The following ZDHHC21 variants were observed in gnomAD, a reference collection of about 807,000 sequenced individuals.
ZDHHC21 encodes the protein palmitoyltransferase ZDHHC21.
In ZDHHC21, 15 loss-of-function variants were observed where a neutral mutation model predicts 34.6. The observed-to-expected ratio is 0.43, with a 90% CI of 0.29 to 0.67. ZDHHC21 has a LOEUF of 0.67. Ranked by LOEUF, ZDHHC21 falls within the 30% of genes least tolerant of loss-of-function variation. The pLI is 0.14. For synonymous variants in ZDHHC21, 142 were observed against 101.8 expected (o/e 1.40, Z -2.38); for missense variants, 344 against 327.7 (o/e 1.05, Z -0.38).
At chr9:14,673,588 T>TG (rs750225631) in intron 4 of ZDHHC21, among the ~76,000 whole-genome samples, 10 of 151,116 alleles carry the variant, frequency 6.6e-5, no homozygotes, top group Non-Finnish European at 1.0e-4. Flanking sequence ...AATCCAGGAC[T>TG]GACTGCATAG....
the ZDHHC21 span, chr9:14,588,950 A>C: frequency 6.6e-6 from 1 of 152,158 alleles, no homozygotes; most frequent in Non-Finnish European, 1.5e-5. Context: ...GACCCATGAG[A>C]AATTGCTCTA....
chr9:14,608,589 T>C (rs796591561), downstream of ZDHHC21, among the ~76,000 whole-genome samples: 10 of 152,284 alleles, frequency 6.6e-5, no homozygotes, highest in African/African-American at 2.4e-4. Flanking sequence ...TTGAAAATAC[T>C]AGTCATCCAG....
chr9:14,629,601 C>G (rs560261145), intron 8 of ZDHHC21, among the ~76,000 whole-genome samples: 16 of 152,182 alleles, frequency 1.1e-4, no homozygotes, highest in Admixed American at 5.2e-4. Flanking sequence ...AATGTACATA[C>G]CTACCTTAAA....
At chr9:14,661,876 T>A (rs943937232) in intron 6 of ZDHHC21, among the ~76,000 whole-genome samples, 3 of 152,186 alleles carry the variant, frequency 2.0e-5, no homozygotes, top group Non-Finnish European at 4.4e-5. Flanking sequence ...CAATTAGAAA[T>A]AGCTACCATT....
rs1352714258 is a variant in ZDHHC21 at position 14,693,148 on chromosome 9, C to CG, written c.-225+80dup. The CG allele has an allele frequency of 1.8e-3, 269 of 147,418 alleles. 6 individuals carry two copies. Among genetic ancestry groups the CG allele is most frequent in the South Asian group, 0.013 (253 of 19,910 alleles). The allele number at this position is 147,418 out of a possible 1,614,324, so 9.1% of individuals were successfully genotyped here. ...GGCGGGCGGGCCCGGCAGAGCGGAG[C>CG]GGGGGCCGGGGATGGGGGTGGGGGT... On this transcript the variant is annotated intron_variant, in intron 1 of 9. Transcript: ENST00000380916.
At chr9:14,643,028 C>G (rs545076075) in intron 7 of ZDHHC21, among the ~76,000 whole-genome samples, 3 of 152,232 alleles carry the variant, frequency 2.0e-5, no homozygotes, top group African/African-American at 7.2e-5. Context: ...CACCTGAGGT[C>G]AGGAGTTCGA....
chr9:14,599,215 C>T, the ZDHHC21 span, among the ~76,000 whole-genome samples: 39 of 152,250 alleles, frequency 2.6e-4, no homozygotes, highest in African/African-American at 7.2e-4. Flanking sequence ...ATGCAGAAGG[C>T]GGGTAATTTC....
At position 14,693,364 on chromosome 9, in the gene ZDHHC21, G is replaced by T. The variant is rs1176982814; in HGVS notation, c.-360C>A. 2 of 400,368 alleles carry T rather than the reference G, an allele frequency of 5.0e-6. No homozygotes were observed. Among genetic ancestry groups the T allele is most frequent in the Admixed American group, 2.9e-5 (1 of 34,416 alleles). The allele number at this position is 400,368 out of a possible 1,614,324, so 24.8% of individuals were successfully genotyped here. A position where few individuals can be genotyped will look rare whatever the true frequency, so the allele number is the denominator to read the frequency against. ...GGCCGCTCTCCCCTTCCGCTTCCGG[G>T]AGCCTGAGGGCCTGGACCGGCCGAG... is the stretch of plus-strand genomic sequence containing the variant. On this transcript the variant is annotated 5_prime_UTR_variant, in exon 1 of 10. Transcript: ENST00000380916.
intron 8 of ZDHHC21, among the ~76,000 whole-genome samples, chr9:14,638,735 G>A (rs933314030): frequency 6.6e-6 from 1 of 151,550 alleles, no homozygotes; most frequent in Non-Finnish European, 1.5e-5. Context: ...CTCAAAAGAA[G>A]ATATGCAAAT....
intron 5 of ZDHHC21, among the ~76,000 whole-genome samples, chr9:14,669,439 G>A (rs1263130769): frequency 6.1e-5 from 9 of 148,120 alleles, no homozygotes; most frequent in African/African-American, 2.2e-4. Flanking sequence ...GTGGAAGTCA[G>A]TGTGGCGATT....
chr9:14,663,493 ATTTT>A (rs35050957), intron 5 of ZDHHC21, among the ~76,000 whole-genome samples: 1 of 136,684 alleles, frequency 7.3e-6, no homozygotes, highest in African/African-American at 2.7e-5. Context: ...CAGATTACAG[ATTTT>A]TTTTTTTTTT....
Position 14,611,659 on chromosome 9 carries a change from A to G in ZDHHC21, c.*7307T>C, listed in dbSNP as rs1182934526. 6.6e-6 allele frequency: 1 copy of G among 151,878 alleles called. No individual in the cohort carries two copies. Among genetic ancestry groups the G allele is most frequent in the African/African-American group, 2.4e-5 (1 of 41,280 alleles). The allele number at this position is 151,878 out of a possible 1,614,324, so 9.4% of individuals were successfully genotyped here. ...ACACATAATTTTAGGAGCCTCAAGA[A>G]TAACATAGATTTTGGCTATTCATTA... On this transcript the variant is annotated 3_prime_UTR_variant, in exon 10 of 10. Coordinates refer to ENST00000380916, the MANE Select transcript of ZDHHC21 (RefSeq NM_178566.6).
chr9:14,691,830 C>T (rs1438152546), intron 1 of ZDHHC21, among the ~76,000 whole-genome samples: 3 of 152,170 alleles, frequency 2.0e-5, no homozygotes, highest in Admixed American at 2.0e-4. Context: ...TTTACTAATA[C>T]TTCGTATATG....
intron 8 of ZDHHC21, among the ~76,000 whole-genome samples, chr9:14,634,021 G>A (rs1827831475): frequency 2.0e-5 from 3 of 152,094 alleles, no homozygotes; most frequent in South Asian, 4.1e-4. Context: ...AGTAGCTGAG[G>A]CTAGGTCTGC....
At chr9:14,656,982 G>C (rs1832355405) in intron 7 of ZDHHC21, among the ~76,000 whole-genome samples, 1 of 151,674 alleles carries the variant, frequency 6.6e-6, no homozygotes. Context: ...CATTCATTAT[G>C]CATGTAAATA....
At chr9:14,685,723 C>T (rs906144941) in intron 2 of ZDHHC21, among the ~76,000 whole-genome samples, 1 of 152,056 alleles carries the variant, frequency 6.6e-6, no homozygotes, top group African/African-American at 2.4e-5. Flanking sequence ...CAAAGGATTA[C>T]AAATCATGCT....
At chr9:14,686,501 T>A (rs1838343864) in intron 2 of ZDHHC21, among the ~76,000 whole-genome samples, 1 of 152,206 alleles carries the variant, frequency 6.6e-6, no homozygotes, top group African/African-American at 2.4e-5. Flanking sequence ...TTACATTTCT[T>A]TTCCCTTTAT....
chr9:14,610,204 C>T (rs186355870), downstream of ZDHHC21, among the ~76,000 whole-genome samples: 1,779 of 151,864 alleles, frequency 0.012, 23 homozygotes, highest in Middle Eastern at 0.048. Flanking sequence ...TCTTTGGGGC[C>T]TGCAGTAATT....
intron 6 of ZDHHC21, among the ~76,000 whole-genome samples, 184 bp downstream of exon 6, chr9:14,662,031 G>C (rs1174577740): frequency 1.3e-5 from 2 of 152,014 alleles, no homozygotes; most frequent in South Asian, 2.1e-4. Flanking sequence ...AGAAAAGATA[G>C]GATTTCTGTG....
Sources: allele counts gnomAD v4.1 joint callset (sites outside exome capture counted in the v4.1 genomes callset), GRCh38; gene constraint gnomAD v4.1.1; transcripts MANE v1.5; gene names NCBI Gene and HGNC (gene_info 2026-07-23, HGNC 2026-07-21).